Variants in THSD7B observed in about 807,000 individuals in gnomAD.
The protein encoded by THSD7B is thrombospondin type-1 domain-containing protein 7B.
THSD7B carries 138 observed loss-of-function variants against 213.6 expected under a neutral mutation model. That is an observed-to-expected ratio of 0.65 (90% CI 0.56 to 0.74). THSD7B has a LOEUF of 0.74. THSD7B is among the 30% of genes least tolerant of loss of function. The pLI is 0.00. For missense variants in THSD7B, 1,931 were observed against 1,991.5 expected (o/e 0.97, Z 0.58); for synonymous variants, 742 against 687.0 (o/e 1.08, Z -1.25).
At chr2:136,862,620 G>GAGTGAATA (rs1683272972) in intron 1 of THSD7B, among the ~76,000 whole-genome samples, 1 of 152,178 alleles carries the variant, frequency 6.6e-6, no homozygotes, top group East Asian at 1.9e-4. Flanking sequence ...ATCAACTGGG[G>GAGTGAATA]AGTGAATAAC....
At chr2:137,240,725 G>A (rs1296141585) in intron 9 of THSD7B, among the ~76,000 whole-genome samples, 1 of 152,118 alleles carries the variant, frequency 6.6e-6, no homozygotes, top group Non-Finnish European at 1.5e-5. Flanking sequence ...GTGTTGCCCA[G>A]GCTAGTGTTT....
intron 10 of THSD7B, among the ~76,000 whole-genome samples, chr2:137,255,914 C>A (rs1171645676): frequency 6.6e-6 from 1 of 152,116 alleles, no homozygotes; most frequent in East Asian, 1.9e-4. Flanking sequence ...TCTCAAACTC[C>A]TGACCTCCAG....
At chr2:137,637,012 C>T (rs977617987) in intron 20 of THSD7B, among the ~76,000 whole-genome samples, 1 of 152,188 alleles carries the variant, frequency 6.6e-6, no homozygotes, top group Admixed American at 6.5e-5. Context: ...AAATTCTCTT[C>T]CTCTCATGTT....
At chr2:137,375,194 A>G (rs1685625219) in intron 12 of THSD7B, among the ~76,000 whole-genome samples, 1 of 152,186 alleles carries the variant, frequency 6.6e-6, no homozygotes, top group African/African-American at 2.4e-5. Context: ...TAGAGGTAAA[A>G]ATAAGTCAAG....
chr2:137,434,820 T>C (rs1303160773), intron 14 of THSD7B, among the ~76,000 whole-genome samples: 1 of 152,218 alleles, frequency 6.6e-6, no homozygotes, highest in Non-Finnish European at 1.5e-5. Flanking sequence ...AGTTTTGTAC[T>C]TTTACTTGTT....
intron 1 of THSD7B, among the ~76,000 whole-genome samples, chr2:136,796,859 A>G (rs1682074884): frequency 6.6e-6 from 1 of 151,924 alleles, no homozygotes; most frequent in Admixed American, 6.6e-5. Flanking sequence ...AAAATTATAA[A>G]CATAACTTTC....
chr2:137,223,480 G>A (rs1300391524), intron 7 of THSD7B, among the ~76,000 whole-genome samples: 3 of 152,090 alleles, frequency 2.0e-5, no homozygotes, highest in Non-Finnish European at 4.4e-5. Context: ...GAAATATCGA[G>A]TTTTACCATC....
At chr2:137,005,261 T>C (rs1351892064) in intron 2 of THSD7B, among the ~76,000 whole-genome samples, 1 of 152,238 alleles carries the variant, frequency 6.6e-6, no homozygotes, top group Non-Finnish European at 1.5e-5. Context: ...TATGAACAAG[T>C]CAGCTGGAAG....
chr2:136,920,944 G>T (rs1684427305), intron 2 of THSD7B, among the ~76,000 whole-genome samples: 1 of 152,192 alleles, frequency 6.6e-6, no homozygotes, highest in African/African-American at 2.4e-5. Context: ...AGAGGCCAAG[G>T]AGTGGGAGCA....
chr2:136,917,523 G>A (rs1294259025), intron 2 of THSD7B, among the ~76,000 whole-genome samples: 1 of 152,180 alleles, frequency 6.6e-6, no homozygotes, highest in African/African-American at 2.4e-5. Flanking sequence ...CATCTGCTCA[G>A]TGCTTAAGTA....
intron 17 of THSD7B, among the ~76,000 whole-genome samples, chr2:137,591,204 A>G (rs1377178944): frequency 6.6e-6 from 1 of 151,636 alleles, no homozygotes; most frequent in Non-Finnish European, 1.5e-5. Flanking sequence ...TATTTAATCT[A>G]TTTGGGGAGG....
intron 17 of THSD7B, among the ~76,000 whole-genome samples, chr2:137,586,953 C>T (rs551968004): frequency 2.6e-5 from 4 of 152,298 alleles, no homozygotes; most frequent in African/African-American, 9.6e-5. Context: ...TTCCATTCTC[C>T]CTGTCACTTT....
intron 1 of THSD7B, among the ~76,000 whole-genome samples, chr2:136,819,346 C>T (rs1682533877): frequency 6.6e-6 from 1 of 152,090 alleles, no homozygotes; most frequent in Admixed American, 6.5e-5. Context: ...AGAATTGTCC[C>T]CCATCCCCTA....
chr2:137,079,789 A>G (rs182581445), intron 3 of THSD7B, among the ~76,000 whole-genome samples: 4 of 152,234 alleles, frequency 2.6e-5, no homozygotes, highest in African/African-American at 7.2e-5. Flanking sequence ...TTTTACATGT[A>G]TTAATTGCTT....
chr2:137,397,747 T>C (rs1686230122), intron 12 of THSD7B, among the ~76,000 whole-genome samples: 1 of 151,944 alleles, frequency 6.6e-6, no homozygotes, highest in South Asian at 2.1e-4. Context: ...TCCTGGATAA[T>C]ATCCTGCAGA....
At chr2:136,848,951 G>A (rs966842626) in intron 1 of THSD7B, among the ~76,000 whole-genome samples, 6 of 152,024 alleles carry the variant, frequency 3.9e-5, no homozygotes, top group African/African-American at 1.2e-4. Flanking sequence ...GTCTTTTTGA[G>A]CCTAGCACTT....
At chr2:137,433,003 C>T (rs1558795626) in intron 14 of THSD7B, among the ~76,000 whole-genome samples, 1 of 151,972 alleles carries the variant, frequency 6.6e-6, no homozygotes, top group African/African-American at 2.4e-5. Flanking sequence ...TATTTAATAC[C>T]TTCTAGATGC....
chr2:137,569,738 T>C (rs778322399), intron 16 of THSD7B, among the ~76,000 whole-genome samples: 23 of 152,126 alleles, frequency 1.5e-4, no homozygotes, highest in Non-Finnish European at 2.6e-4. Flanking sequence ...TTCCATTTCT[T>C]GTACTTGTCC....
intron 5 of THSD7B, among the ~76,000 whole-genome samples, chr2:137,121,949 G>A (rs1352115551): frequency 6.6e-6 from 1 of 152,150 alleles, no homozygotes; most frequent in Non-Finnish European, 1.5e-5. Context: ...AGCTCTGAGA[G>A]CCCAGAATGC....
Sources: gnomAD v4.1 joint callset for allele counts (sites outside exome capture counted in the v4.1 genomes callset) on GRCh38, gnomAD v4.1.1 for gene constraint, MANE v1.5 for transcripts, NCBI Gene and HGNC (gene_info 2026-07-23, HGNC 2026-07-21) for gene names.